Variants in LMAN1L observed in about 807,000 individuals in gnomAD.
LMAN1L encodes the protein lectin, mannose binding 1 like.
In LMAN1L, 60 loss-of-function variants were observed where a neutral mutation model predicts 58.3. That is an observed-to-expected ratio of 1.03 (90% CI 0.84 to 1.27). The LOEUF is 1.27. Among genes scored for constraint, LMAN1L ranks in the 50% most tolerant of loss-of-function variants. LMAN1L has a pLI of 0.00. For synonymous variants in LMAN1L, 280 were observed against 271.6 expected, an observed-to-expected ratio of 1.03 and a Z score of -0.31; for missense variants, 629 against 674.0, an observed-to-expected ratio of 0.93 and a Z score of 0.74.
At position 74,823,589 on chromosome 15, in the gene LMAN1L, C is replaced by G. The variant is rs771572762; in HGVS notation, c.1230C>G (p.Ala410=). ...RDAAVRMAAE[A]QVSYLPVGIE... is the part of the protein sequence containing the mutation. ...CAGCTGTCCGCATGGCTGCAGAAGCCCAGGTCTCCTACCTGCCTGTGGGCA... is the reference window on the plus strand; with the variant it reads ...CAGCTGTCCGCATGGCTGCAGAAGCGCAGGTCTCCTACCTGCCTGTGGGCA... Residue 410 remains alanine, a synonymous_variant, in exon 12 of 14, where the codon GCC becomes GCG. Coordinates refer to ENST00000309664, the MANE Select transcript of LMAN1L (RefSeq NM_021819.3). 1.7e-5 allele frequency: 28 copies of G among 1,613,814 alleles called. No individual in the cohort carries two copies. The highest frequency in any genetic ancestry group is 2.3e-5 in the Non-Finnish European group (27 of 1,179,928).
At chr15:74,813,406 C>T (rs769285496) in intron 1 of LMAN1L, 12 of 462,830 alleles carry the variant, frequency 2.6e-5, no homozygotes, top group Middle Eastern at 3.2e-4. Context: ...TCCACTCTCC[C>T]GGCTCCATCC....
At chr15:74,815,077 C>T (rs1256874308) in intron 1 of LMAN1L, among the ~76,000 whole-genome samples, 1 of 152,244 alleles carries the variant, frequency 6.6e-6, no homozygotes, top group Non-Finnish European at 1.5e-5. Flanking sequence ...TTCGTTCACC[C>T]TGATGTTCCT....
intron 10 of LMAN1L, 66 bp downstream of exon 10, chr15:74,821,966 C>A: frequency 8.7e-7 from 1 of 1,147,108 alleles, no homozygotes. Flanking sequence ...CTGGGAGAAC[C>A]AGGGCAGAGA....
At chr15:74,823,139 C>T (rs1258463647) in intron 11 of LMAN1L, among the ~76,000 whole-genome samples, 1 of 152,166 alleles carries the variant, frequency 6.6e-6, no homozygotes, top group East Asian at 1.9e-4. Context: ...CTAGGCCAGG[C>T]CTCTGGAGCC....
At chr15:74,817,890 G>A (rs990573730) in intron 4 of LMAN1L, among the ~76,000 whole-genome samples, 1 of 151,950 alleles carries the variant, frequency 6.6e-6, no homozygotes. Flanking sequence ...GCGAGCACCT[G>A]TAATCCCAGC....
In LMAN1L at chr15:74,816,688, TG is replaced by T; in HGVS notation, c.497+1del. On this transcript the variant is annotated frameshift_variant and splice_region_variant, in exon 4 of 14. Transcript: ENST00000309664. LOFTEE classifies it high-confidence loss of function. The part of the protein sequence containing the change: ...SDGHIPSEQP[G>X]DGASQGLGSC... ...ACGGGCACATCCCCTCTGAGCAGCC[TG>T]GGTAAGGGCCTGTCTGGACTGACCA... The T allele has an allele frequency of 6.2e-7, 1 of 1,613,704 alleles. No individual in the cohort carries two copies. Among genetic ancestry groups the T allele is most frequent in the East Asian group, 2.2e-5 (1 of 44,854 alleles).
At chr15:74,820,355 G>A in intron 7 of LMAN1L, 2 of 614,774 alleles carry the variant, frequency 3.3e-6, no homozygotes, top group Non-Finnish European at 2.9e-6. Context: ...GGGGCTGTGG[G>A]AGCACAGAGG....
chr15:74,814,211 G>C (rs142999647), intron 1 of LMAN1L, among the ~76,000 whole-genome samples: 9,294 of 148,792 alleles, frequency 0.062, 612 homozygotes, highest in South Asian at 0.36. Context: ...TTTTTTTTGT[G>C]AGATGGAGTT....
chr15:74,824,447 AC>A lies in LMAN1L; in HGVS notation c.1421del (p.Thr474MetfsTer2). On this transcript the variant is annotated frameshift_variant, in exon 13 of 14. Coordinates refer to ENST00000309664, the MANE Select transcript of LMAN1L (RefSeq NM_021819.3). LOFTEE classifies it low-confidence loss of function (END_TRUNC). ...GIFLFYLLIQTVGFFGYVHFR... is the reference protein window; with the variant it reads ...GIFLFYLLIQXVGFFGYVHFR... ...CTTCCTGTTCTACCTCCTCATTCAG[AC>A]TGTAGGCTTCTTCGGCTACGTGCAC... 1.2e-6 allele frequency: 2 copies of A among 1,614,130 alleles called. No individual in the cohort carries two copies. The highest frequency in any genetic ancestry group is 1.7e-6 in the Non-Finnish European group (2 of 1,179,992).
At chr15:74,821,638 C>T (rs1567225110) in intron 9 of LMAN1L, among the ~76,000 whole-genome samples, 191 bp from the exon 10 acceptor site, 1 of 152,196 alleles carries the variant, frequency 6.6e-6, no homozygotes, top group South Asian at 2.1e-4. Flanking sequence ...AGCCTGGGGG[C>T]CTGAGAGCTA....
rs1301778714 is a variant in LMAN1L, at chr15:74,812,963, C to T, written c.109C>T (p.Leu37Phe). Residue 37 changes from leucine (L) to phenylalanine (F), a missense_variant, in exon 1 of 14, where the codon CTC (leucine) becomes TTC (phenylalanine). By Grantham distance (22) the Leu-to-Phe change is conservative. Transcript: ENST00000309664. ...TCCTCTACGCAGGTTTGAGTACAAG[C>T]TCAGCTTCAAAGGCCCAAGGCTGGC... ...CPPLRRFEYKLSFKGPRLALP... is the reference protein window; with the variant it reads ...CPPLRRFEYKFSFKGPRLALP... The T allele has an allele frequency of 1.2e-6, 2 of 1,614,036 alleles. No homozygotes were observed. Among genetic ancestry groups the T allele is most frequent in the African/African-American group, 2.7e-5 (2 of 74,932 alleles).
At chr15:74,819,600 C>T (rs187635058) in intron 6 of LMAN1L, 16 of 489,114 alleles carry the variant, frequency 3.3e-5, no homozygotes, top group African/African-American at 2.7e-4. Flanking sequence ...GGTCCCACAG[C>T]GGGAAAGCTG....
intron 6 of LMAN1L, 97 bp from the exon 7 acceptor site, chr15:74,819,947 T>A: frequency 8.5e-7 from 1 of 1,170,064 alleles, no homozygotes; most frequent in Non-Finnish European, 1.3e-6. Flanking sequence ...GTCACCCCTC[T>A]TGCCTCGGTG....
At position 74,823,571 on chromosome 15, in the gene LMAN1L, C is replaced by T. The variant is rs2063927061; in HGVS notation, c.1212C>T (p.Val404=). The T allele has an allele frequency of 6.2e-7, 1 of 1,613,756 alleles. No homozygotes were observed. The highest frequency in any genetic ancestry group is 1.1e-5 in the South Asian group (1 of 91,088). Residue 404 remains valine, a synonymous_variant, in exon 12 of 14, where the codon GTC becomes GTT. Transcript: ENST00000309664. ...CACCCCCGGTTAGGGATGCAGCTGT[C>T]CGCATGGCTGCAGAAGCCCAGGTCT... is the stretch of plus-strand genomic sequence containing the variant. ...QALQEMRDAA[V]RMAAEAQVSY... is the part of the protein sequence containing the mutation.
rs766326863 is a variant in LMAN1L at position 74,822,697 on chromosome 15, T to C, written c.1187T>C (p.Leu396Pro). 8 of 1,613,772 alleles carry C rather than the reference T, an allele frequency of 5.0e-6. No homozygotes were observed. In the South Asian group the frequency reaches 8.8e-5, roughly 18 times the overall value. ...LHGQWTLLQALQEMRDAAVRM... is the reference protein window; with the variant it reads ...LHGQWTLLQAPQEMRDAAVRM... ...GGACAGTGGACTCTGCTCCAGGCCC[T>C]GCAAGAGATGAGGTAAGGGACTGGG... Residue 396 changes from leucine (L) to proline (P), a missense_variant, in exon 11 of 14, where the codon CTG (leucine) becomes CCG (proline). This residue lies in a region of LMAN1L where 573 missense variants were observed against 597.3 expected (regional missense o/e 0.96). Coordinates refer to ENST00000309664, the MANE Select transcript of LMAN1L (RefSeq NM_021819.3).
chr15:74,819,374 C>G, intron 6 of LMAN1L, 102 bp downstream of exon 6: 1 of 1,437,934 alleles, frequency 7.0e-7, no homozygotes, highest in Non-Finnish European at 9.4e-7. Context: ...GCCACTTCAC[C>G]ACATGACCTG....
Position 74,816,292 on chromosome 15 carries a change from G to T in LMAN1L, c.311G>T (p.Arg104Leu), listed in dbSNP as rs751543706. 1 of 1,612,254 alleles carries T rather than the reference G, an allele frequency of 6.2e-7. No homozygotes were observed. Among genetic ancestry groups the T allele is most frequent in the East Asian group, 2.2e-5 (1 of 44,866 alleles). The change falls in exon 2 of 14, where the codon CGC becomes CTC. Residue 104 changes from arginine (R) to leucine (L), a missense_variant. By Grantham distance (102) the Arg-to-Leu change is moderately radical. Coordinates refer to ENST00000309664, the MANE Select transcript of LMAN1L (RefSeq NM_021819.3). ...CAGATGAGGGTGACGGGACTGGGGC[G>T]CCGGGGAGCCCAGGGCATGGTGAGT... ...EVQMRVTGLG[R>L]RGAQGMAVWY...
intron 9 of LMAN1L, 127 bp from the exon 10 acceptor site, chr15:74,821,702 C>A: frequency 1.5e-6 from 1 of 664,792 alleles, no homozygotes; most frequent in Admixed American, 2.5e-5. Flanking sequence ...CTCTTGTGGG[C>A]TTTGCTGGGC....
intron 6 of LMAN1L, 49 bp from the exon 7 acceptor site, chr15:74,819,995 G>A: frequency 3.2e-6 from 5 of 1,551,612 alleles, no homozygotes; most frequent in South Asian, 1.1e-5. Context: ...TGAGCGAGGG[G>A]GTTGCTGGGT....
Sources: gnomAD v4.1 joint callset for allele counts (sites outside exome capture counted in the v4.1 genomes callset) on GRCh38, gnomAD v4.1.1 for gene constraint, gnomAD v4.1.1 regional missense constraint, MANE v1.5 for transcripts, NCBI Gene and HGNC (gene_info 2026-07-23, HGNC 2026-07-21) for gene names.